The following CELF2 variants were observed in gnomAD, a reference collection of about 807,000 sequenced individuals.
CELF2 encodes CUGBP Elav-like family member 2.
Under a neutral mutation model 62.6 loss-of-function variants are expected in CELF2, and 8 were observed. The observed-to-expected ratio is 0.13, with a 90% CI of 0.07 to 0.23. The LOEUF (loss-of-function observed/expected upper bound fraction) is 0.23, where lower values mean the gene tolerates loss of function less well. Ranked by LOEUF, CELF2 falls within the 10% of genes least tolerant of loss-of-function variation. CELF2 has a pLI of 1.00. For missense variants in CELF2, 333 were observed against 671.0 expected (o/e 0.50, Z 5.56); for synonymous variants, 258 against 250.0 (o/e 1.03, Z -0.30).
rs2063509530 is a variant in CELF2 at position 10,908,234 on chromosome 10, T to TTTTTTTTTC, written c.54-11727_54-11726insTTTTTCTTT. 3.5e-5 allele frequency among the ~76,000 whole-genome samples: 5 copies of TTTTTTTTTC among 142,810 alleles called. No homozygotes were observed. In the South Asian group the frequency reaches 9.5e-4, roughly 27 times the overall value. 93.7% of individuals were successfully genotyped at this position (142,810 alleles called of 152,430 possible). On this transcript the variant is annotated intron_variant, in intron 1 of 13. Transcript: ENST00000636488. Reference sequence around the variant, plus strand: ...AGGGGATTTTTTTTTTTTTTTTTTTTTTTGAAACAGAGTCTTGCTCTGTCG... The same window carrying TTTTTTTTTC: ...AGGGGATTTTTTTTTTTTTTTTTTTTTTTTTTTTCTTTGAAACAGAGTCTTGCTCTGTCG...
At chr10:10,731,057 G>C in the CELF2 span, among the ~76,000 whole-genome samples, 1 of 152,204 alleles carries the variant, frequency 6.6e-6, no homozygotes, top group African/African-American at 2.4e-5. Flanking sequence ...ATGCCACATG[G>C]TATACCCAAT....
chr10:10,889,566 T>C (rs1196361075), intron 1 of CELF2, among the ~76,000 whole-genome samples: 1 of 152,222 alleles, frequency 6.6e-6, no homozygotes, highest in Non-Finnish European at 1.5e-5. Context: ...TCAGGTGCTA[T>C]GTCTTCTCTC....
At chr10:11,094,098 G>A (rs2049101855) in intron 1 of CELF2, among the ~76,000 whole-genome samples, 1 of 152,164 alleles carries the variant, frequency 6.6e-6, no homozygotes, top group Admixed American at 6.5e-5. Flanking sequence ...AGTTTATAAA[G>A]CCACTTTCTG....
rs897644021 is a variant in CELF2, at chr10:11,220,132, G to A, written c.354+2625G>A. 1.3e-5 allele frequency among the ~76,000 whole-genome samples: 2 copies of A among 152,202 alleles called. No homozygotes were observed. Among genetic ancestry groups the A allele is most frequent in the East Asian group, 3.8e-4 (2 of 5,204 alleles). On this transcript the variant is annotated intron_variant, in intron 3 of 12. Transcript: ENST00000633077. The surrounding 1 kb of genome is among the most constrained non-coding windows in gnomAD (Gnocchi z 4.4). Reference sequence around the variant, plus strand: ...CTGACACTTTAAAGCTTTTCTGGTTGTAATCATTTTCCTGTGGATAAAATC... The same window carrying A: ...CTGACACTTTAAAGCTTTTCTGGTTATAATCATTTTCCTGTGGATAAAATC...
rs1158008787 is a variant in CELF2, at chr10:11,334,321, T to TTTGC, written c.*5271_*5274dup. ...TGTATGTTATTGTGTGATGCAGTTT[T>TTTGC]TTGCTTCTGTCTCCAATATTAAACC... On this transcript the variant is annotated 3_prime_UTR_variant, in exon 13 of 13. Transcript: ENST00000633077. 1 of 152,698 alleles carries TTTGC rather than the reference T, an allele frequency of 6.5e-6. No homozygotes were observed. The highest frequency in any genetic ancestry group is 2.4e-5 in the African/African-American group (1 of 41,472). 9.5% of individuals were successfully genotyped at this position (152,698 alleles called of 1,614,324 possible). A position where few individuals can be genotyped will look rare whatever the true frequency, so the allele number is the denominator to read the frequency against.
chr10:10,698,420 T>C, the CELF2 span, among the ~76,000 whole-genome samples: 1 of 152,224 alleles, frequency 6.6e-6, no homozygotes, highest in South Asian at 2.1e-4. Flanking sequence ...GGAGGATTAA[T>C]AAGAAAGACA....
chr10:10,590,724 T>C, the CELF2 span, among the ~76,000 whole-genome samples: 1 of 152,200 alleles, frequency 6.6e-6, no homozygotes, highest in South Asian at 2.1e-4. Flanking sequence ...CAGCAAAGCT[T>C]GTGGAAAATA....
chr10:10,825,449 A>G (rs1382152965), intron 1 of CELF2, among the ~76,000 whole-genome samples: 1 of 152,118 alleles, frequency 6.6e-6, no homozygotes, highest in African/African-American at 2.4e-5. Context: ...TGACCTTGTG[A>G]TCTGTCCACC....
chr10:10,574,307 C>A, the CELF2 span, among the ~76,000 whole-genome samples: 5,615 of 152,138 alleles, frequency 0.037, 329 homozygotes, highest in African/African-American at 0.13. Flanking sequence ...CAACTGATGA[C>A]AAAGTAGAAG....
At chr10:10,520,773 T>C in the CELF2 span, among the ~76,000 whole-genome samples, 2 of 151,968 alleles carry the variant, frequency 1.3e-5, no homozygotes, top group African/African-American at 4.8e-5. Context: ...GGAAAACAAA[T>C]AGCAGATGCA....
At chr10:10,624,731 CAT>C in the CELF2 span, among the ~76,000 whole-genome samples, 1 of 152,194 alleles carries the variant, frequency 6.6e-6, no homozygotes, top group South Asian at 2.1e-4. Flanking sequence ...ACTCTATTCA[CAT>C]GTTTCCCTGA....
chr10:10,483,876 TTC>T, the CELF2 span, among the ~76,000 whole-genome samples: 1 of 150,226 alleles, frequency 6.7e-6, no homozygotes, highest in Non-Finnish European at 1.5e-5. Context: ...CCTTCCCTCC[TTC>T]TCTCTCTCTC....
the CELF2 span, among the ~76,000 whole-genome samples, chr10:10,607,402 G>T: frequency 3.3e-5 from 5 of 152,154 alleles, no homozygotes; most frequent in African/African-American, 9.7e-5. Flanking sequence ...TAACTTGTAG[G>T]TTCAAACTAC....
the CELF2 span, among the ~76,000 whole-genome samples, chr10:10,751,028 A>G: frequency 1.3e-5 from 2 of 152,266 alleles, no homozygotes; most frequent in African/African-American, 4.8e-5. Flanking sequence ...GAGGATTTCG[A>G]ACCCGTTTCA....
intron 1 of CELF2, among the ~76,000 whole-genome samples, chr10:10,901,545 C>T (rs1276170723): frequency 2.0e-5 from 3 of 152,170 alleles, no homozygotes; most frequent in African/African-American, 7.2e-5. Context: ...CATAAGGCTT[C>T]ACATTATAAA....
chr10:11,126,254 G>T (rs1432453860), intron 1 of CELF2, among the ~76,000 whole-genome samples: 1 of 152,116 alleles, frequency 6.6e-6, no homozygotes, highest in Non-Finnish European at 1.5e-5. Context: ...AATCCTTTCA[G>T]AACCATTTTT....
intron 1 of CELF2, among the ~76,000 whole-genome samples, chr10:10,840,346 T>C (rs1330287552): frequency 1.3e-5 from 2 of 152,228 alleles, no homozygotes; most frequent in Non-Finnish European, 2.9e-5. Flanking sequence ...AGAGTGTTTG[T>C]TGCTCCGCAT....
intron 1 of CELF2, among the ~76,000 whole-genome samples, chr10:11,108,984 C>T (rs768278391): frequency 6.6e-6 from 1 of 152,284 alleles, no homozygotes; most frequent in East Asian, 1.9e-4. Context: ...TCTACTGTGT[C>T]CTTTGTAGGC....
chr10:11,326,002 G>C (rs201994495), intron 12 of CELF2, 23 bp downstream of exon 12: 8 of 1,599,996 alleles, frequency 5.0e-6, no homozygotes, highest in Non-Finnish European at 6.8e-6. Context: ...AACTAAGCTA[G>C]TATATTGCAG....
Sources: gnomAD v4.1 joint callset for allele counts (sites outside exome capture counted in the v4.1 genomes callset) on GRCh38, gnomAD v4.1.1 for gene constraint, Gnocchi (gnomAD v3.1) non-coding constraint, MANE v1.5 for transcripts, NCBI Gene and HGNC (gene_info 2026-07-23, HGNC 2026-07-21) for gene names.